SPG21: variants seen among roughly 807,000 people sequenced by gnomAD.
SPG21 encodes the protein SPG21 abhydrolase domain containing, maspardin, also known as maspardin.
A neutral mutation model predicts 38.9 loss-of-function variants in SPG21; 26 were observed. The ratio of observed to expected loss-of-function variants is 0.67; its 90% confidence interval spans 0.49 to 0.93. The LOEUF is 0.93. SPG21 is among the 40% of genes least tolerant of loss of function. The pLI is 0.00. For synonymous variants in SPG21, 136 were observed against 128.9 expected (o/e 1.05, Z -0.37); for missense variants, 333 against 376.5 (o/e 0.88, Z 0.96).
Position 64,965,390 on chromosome 15 carries a change from C to T in SPG21, c.740G>A (p.Arg247Lys). The part of the protein sequence containing the change: ...EMYKLYPNAR[R>K]AHLKTGGNFP... Reference sequence around the variant, plus strand: ...ATTGCCTCCTGTTTTCAGATGAGCTCTTCGGGCATTAGGATACAGCTTGTA... The same window carrying T: ...ATTGCCTCCTGTTTTCAGATGAGCTTTTCGGGCATTAGGATACAGCTTGTA... Residue 247 changes from arginine to lysine, a missense_variant, in exon 8 of 9, where the codon AGA becomes AAA. By Grantham distance (26) the Arg-to-Lys change is conservative. Coordinates refer to ENST00000204566, the MANE Select transcript of SPG21 (RefSeq NM_016630.7). 1 of 1,614,140 alleles carries T rather than the reference C, an allele frequency of 6.2e-7. No individual in the cohort carries two copies. The highest frequency in any genetic ancestry group is 8.5e-7 in the Non-Finnish European group (1 of 1,180,030).
intron 1 of SPG21, among the ~76,000 whole-genome samples, chr15:64,986,919 T>C (rs1315841285): frequency 1.3e-5 from 2 of 152,150 alleles, no homozygotes; most frequent in East Asian, 3.8e-4. Context: ...AGAAACAATC[T>C]ATTCTAAAGG....
chr15:64,973,066 C>T (rs1379685363), intron 5 of SPG21, among the ~76,000 whole-genome samples: 1 of 152,108 alleles, frequency 6.6e-6, no homozygotes, highest in African/African-American at 2.4e-5. Flanking sequence ...TGGGCTCAAG[C>T]GATCCTCCTG....
chr15:64,977,925 C>T (rs1172983794), intron 3 of SPG21, among the ~76,000 whole-genome samples: 1 of 152,004 alleles, frequency 6.6e-6, no homozygotes, highest in Admixed American at 6.5e-5. Context: ...CAGGTTCAAG[C>T]GATTCTCCTG....
chr15:64,971,956 G>C (rs2085675132), intron 5 of SPG21, among the ~76,000 whole-genome samples: 1 of 152,200 alleles, frequency 6.6e-6, no homozygotes, highest in African/African-American at 2.4e-5. Context: ...ACAGGTGTGA[G>C]CCACTGTGAC....
At chr15:64,977,854 G>C (rs2085812073) in intron 3 of SPG21, among the ~76,000 whole-genome samples, 1 of 151,092 alleles carries the variant, frequency 6.6e-6, no homozygotes, top group African/African-American at 2.4e-5. Context: ...CTGGGGTCTC[G>C]CTCTGTCGCC....
intron 4 of SPG21, among the ~76,000 whole-genome samples, chr15:64,976,031 G>A (rs1470803156): frequency 6.6e-6 from 1 of 152,154 alleles, no homozygotes; most frequent in African/African-American, 2.4e-5. Context: ...TGCAGTGATG[G>A]TTGCACATAC....
chr15:64,963,891 G>A (rs1308507099), intron 8 of SPG21, among the ~76,000 whole-genome samples, 155 bp from the exon 9 acceptor site: 1 of 152,028 alleles, frequency 6.6e-6, no homozygotes, highest in South Asian at 2.1e-4. Context: ...CGAGTAGCTG[G>A]GATTACAGGT....
chr15:64,970,279 T>C (rs2085636226), intron 5 of SPG21, 57 bp from the exon 6 acceptor site: 2 of 1,376,382 alleles, frequency 1.5e-6, no homozygotes, highest in Non-Finnish European at 2.1e-6. Context: ...TGGCAAATAT[T>C]CATTCAACAT....
At chr15:64,984,138 G>T (rs1396324598) in intron 1 of SPG21, among the ~76,000 whole-genome samples, 1 of 152,088 alleles carries the variant, frequency 6.6e-6, no homozygotes, top group Non-Finnish European at 1.5e-5. Flanking sequence ...TCCAGAAAAG[G>T]AATCTGGTCT....
intron 1 of SPG21, among the ~76,000 whole-genome samples, chr15:64,984,656 G>C (rs1267009491): frequency 6.6e-6 from 1 of 151,450 alleles, no homozygotes; most frequent in African/African-American, 2.4e-5. Flanking sequence ...CCAGCCTAGA[G>C]AAAGAAGTTT....
Position 64,963,301 on chromosome 15 carries a change from C to A in SPG21, c.*319G>T. On this transcript the variant is annotated 3_prime_UTR_variant, in exon 9 of 9. Coordinates refer to ENST00000204566, the MANE Select transcript of SPG21 (RefSeq NM_016630.7). ...AGAAGAAAAAAACCACCACAAAGTC[C>A]CAAACCTCAGAAATTAACATTCACT... The A allele has an allele frequency of 3.9e-6, 1 of 256,336 alleles. No homozygotes were observed. The highest frequency in any genetic ancestry group is 7.5e-6 in the Non-Finnish European group (1 of 133,490). 15.9% of individuals were successfully genotyped at this position (256,336 alleles called of 1,614,324 possible).
chr15:64,969,202 G>T, intron 7 of SPG21, 53 bp downstream of exon 7: 1 of 1,202,786 alleles, frequency 8.3e-7, no homozygotes, highest in South Asian at 1.2e-5. Context: ...AGGAGATCTT[G>T]ACATACACAT....
intron 2 of SPG21, among the ~76,000 whole-genome samples, chr15:64,982,653 T>G (rs1380222879): frequency 6.6e-6 from 1 of 152,234 alleles, no homozygotes; most frequent in African/African-American, 2.4e-5. Context: ...CTCAGTGACT[T>G]GAACTGCCTT....
intron 3 of SPG21, among the ~76,000 whole-genome samples, chr15:64,979,015 G>A (rs2085836688): frequency 6.6e-6 from 1 of 152,202 alleles, no homozygotes. Flanking sequence ...AAAAAGATCT[G>A]TGCATTTTAA....
In SPG21 at chr15:64,968,340, CAAAAAA is replaced by C. The variant is rs11305475; in HGVS notation, c.669+909_669+914del. Among the ~76,000 whole-genome samples the C allele has an allele frequency of 5.5e-5, 6 of 109,664 alleles. No homozygotes were observed. The South Asian group carries it at 9.1e-4, about 17-fold the overall frequency. The allele number at this position is 109,664 out of a possible 152,430, so 71.9% of individuals were successfully genotyped here. ...GGGGAACAGAGTGAGACCCTGTTTCCAAAAAAAAAAAAAAAAAAAGAAAGAAATGAC... is the reference window on the plus strand; with the variant it reads ...GGGGAACAGAGTGAGACCCTGTTTCCAAAAAAAAAAAAAGAAAGAAATGAC... On this transcript the variant is annotated intron_variant, in intron 7 of 8. Coordinates refer to ENST00000204566, the MANE Select transcript of SPG21 (RefSeq NM_016630.7).
At chr15:64,985,805 A>G (rs1003366384) in intron 1 of SPG21, among the ~76,000 whole-genome samples, 1 of 152,196 alleles carries the variant, frequency 6.6e-6, no homozygotes, top group African/African-American at 2.4e-5. Context: ...AGTAGACTCA[A>G]CTGTGACCTT....
intron 7 of SPG21, among the ~76,000 whole-genome samples, chr15:64,967,407 C>T (rs1047409078): frequency 7.9e-5 from 12 of 152,172 alleles, no homozygotes; most frequent in African/African-American, 2.9e-4. Context: ...AGGTGATCCT[C>T]CCACCTCAAC....
chr15:64,963,460 T>C lies in SPG21; in HGVS notation c.*160A>G, dbSNP rs2085486358. 4.5e-6 allele frequency: 3 copies of C among 664,468 alleles called. No individual in the cohort carries two copies. Among genetic ancestry groups the C allele is most frequent in the South Asian group, 3.5e-5 (2 of 57,948 alleles). The allele number at this position is 664,468 out of a possible 1,614,324, so 41.2% of individuals were successfully genotyped here. A position where few individuals can be genotyped will look rare whatever the true frequency, so the allele number is the denominator to read the frequency against. On this transcript the variant is annotated 3_prime_UTR_variant, in exon 9 of 9. Coordinates refer to ENST00000204566, the MANE Select transcript of SPG21 (RefSeq NM_016630.7). ...AACAGTTACACAGGCTTAGTGGAGA[T>C]GCCGCCTGTCATGAAGATGACCATC...
chr15:64,979,479 G>A (rs765285507), intron 3 of SPG21, among the ~76,000 whole-genome samples: 3 of 152,168 alleles, frequency 2.0e-5, no homozygotes, highest in Non-Finnish European at 4.4e-5. Context: ...AACATGTCAC[G>A]TGAGGAATGG....
Sources: allele counts gnomAD v4.1 joint callset (sites outside exome capture counted in the v4.1 genomes callset), GRCh38; gene constraint gnomAD v4.1.1; transcripts MANE v1.5; gene names NCBI Gene and HGNC (gene_info 2026-07-23, HGNC 2026-07-21).